ZNF69: variants seen among roughly 807,000 people sequenced by gnomAD.
The protein encoded by ZNF69 is ZNF3.
Under a neutral mutation model 50.9 loss-of-function variants are expected in ZNF69, and 47 were observed. The ratio of observed to expected loss-of-function variants is 0.92; its 90% CI spans 0.73 to 1.18. ZNF69 has a LOEUF of 1.18. Ranked by LOEUF, ZNF69 falls within the 50% of genes most tolerant of loss-of-function variation. The pLI is 0.00. For synonymous variants in ZNF69, 216 were observed against 223.1 expected, an observed-to-expected ratio of 0.97 and a Z score of 0.29; for missense variants, 717 against 675.1, an observed-to-expected ratio of 1.06 and a Z score of -0.69.
At chr19:11,979,064 G>A in the ZNF69 span, 1 of 1,614,122 alleles carries the variant, frequency 6.2e-7, no homozygotes, top group African/African-American at 1.3e-5. Flanking sequence ...TATCTTATAA[G>A]TTTTCAAACA....
chr19:11,934,993 C>G, the ZNF69 span, among the ~76,000 whole-genome samples: 2 of 146,348 alleles, frequency 1.4e-5, no homozygotes. Flanking sequence ...CTGGCTAACA[C>G]TGTGAAACCC....
the ZNF69 span, among the ~76,000 whole-genome samples, chr19:11,921,689 G>C: frequency 6.6e-6 from 1 of 151,942 alleles, no homozygotes. Context: ...TTTTAGTAGA[G>C]ACAGGGTTTC....
At chr19:11,932,123 CAA>C in the ZNF69 span, among the ~76,000 whole-genome samples, 9 of 126,230 alleles carry the variant, frequency 7.1e-5, no homozygotes, top group Admixed American at 1.6e-4. Context: ...AACTTTGTCT[CAA>C]AAAAAAAAAA....
chr19:11,932,337 C>G, the ZNF69 span, among the ~76,000 whole-genome samples: 2 of 147,656 alleles, frequency 1.4e-5, no homozygotes, highest in African/African-American at 2.7e-5. Flanking sequence ...GAACGAGACC[C>G]TGTTTCAAGA....
the ZNF69 span, chr19:11,926,498 C>T: frequency 2.0e-5 from 3 of 152,480 alleles, no homozygotes; most frequent in African/African-American, 7.2e-5. Context: ...AAGTGATTCT[C>T]CTGCCTCAGC....
intron 1 of ZNF69, among the ~76,000 whole-genome samples, chr19:11,895,389 A>C (rs1036274422): frequency 6.6e-6 from 1 of 152,252 alleles, no homozygotes; most frequent in South Asian, 2.1e-4. Context: ...TGTGGGCCAA[A>C]GCGTTTCTCA....
At chr19:11,929,439 G>A in the ZNF69 span, among the ~76,000 whole-genome samples, 63 of 148,338 alleles carry the variant, frequency 4.2e-4, 2 homozygotes, top group Non-Finnish European at 5.6e-4. Context: ...GTGGGATTAC[G>A]GGTGTGAACC....
At chr19:11,918,609 G>A (rs1816977908), downstream of ZNF69, among the ~76,000 whole-genome samples, 1 of 151,774 alleles carries the variant, frequency 6.6e-6, no homozygotes, top group Admixed American at 6.6e-5. Context: ...TCGGCTTTCT[G>A]CCCAGCTAAT....
the ZNF69 span, chr19:11,949,023 G>T: frequency 1.2e-6 from 2 of 1,606,420 alleles, no homozygotes; most frequent in African/African-American, 2.7e-5. Flanking sequence ...GGAAAAAACC[G>T]TATGAATGTA....
chr19:11,949,549 A>C, the ZNF69 span: 1 of 1,611,380 alleles, frequency 6.2e-7, no homozygotes, highest in African/African-American at 1.3e-5. Flanking sequence ...AAGACCTTAT[A>C]AATGTAGTAT....
downstream of ZNF69, among the ~76,000 whole-genome samples, chr19:11,916,592 G>A (rs1030277725): frequency 1.3e-5 from 2 of 152,194 alleles, no homozygotes; most frequent in Non-Finnish European, 2.9e-5. Flanking sequence ...TCCAGCCTGG[G>A]CTACAGAACA....
chr19:11,904,287 A>T (rs994841409), intron 3 of ZNF69, among the ~76,000 whole-genome samples: 6 of 152,212 alleles, frequency 3.9e-5, no homozygotes, highest in Admixed American at 3.3e-4. Flanking sequence ...CAGGAGGCTG[A>T]GGCAGGAGGA....
chr19:11,909,640 A>C (rs1300176284), downstream of ZNF69, among the ~76,000 whole-genome samples: 6 of 152,216 alleles, frequency 3.9e-5, no homozygotes, highest in Admixed American at 3.3e-4. Flanking sequence ...AAAAACTCTC[A>C]ATAAACTGGG....
downstream of ZNF69, among the ~76,000 whole-genome samples, chr19:11,918,968 T>C (rs1443426418): frequency 1.3e-5 from 2 of 151,782 alleles, no homozygotes; most frequent in African/African-American, 4.8e-5. Context: ...CGATCTCCGC[T>C]CACTGCAACC....
the ZNF69 span, among the ~76,000 whole-genome samples, chr19:11,951,026 C>T: frequency 7.9e-5 from 12 of 151,162 alleles, no homozygotes; most frequent in Middle Eastern, 3.5e-3. Flanking sequence ...TGGCGCGCAC[C>T]GGTAGTCCCA....
At chr19:11,943,390 C>T in the ZNF69 span, among the ~76,000 whole-genome samples, 5 of 152,252 alleles carry the variant, frequency 3.3e-5, no homozygotes, top group African/African-American at 9.6e-5. Context: ...GGTTTCTTAC[C>T]GGGCTAAAAC....
At chr19:11,972,194 A>G in the ZNF69 span, among the ~76,000 whole-genome samples, 1 of 152,168 alleles carries the variant, frequency 6.6e-6, no homozygotes, top group African/African-American at 2.4e-5. Flanking sequence ...CTGAGGTAGA[A>G]GGATCTGTTG....
chr19:11,901,545 C>T (rs919092211), intron 1 of ZNF69, among the ~76,000 whole-genome samples: 5 of 152,110 alleles, frequency 3.3e-5, no homozygotes, highest in Non-Finnish European at 5.9e-5. Context: ...AGTGCAGTGG[C>T]GTGATCTCGG....
chr19:11,893,617 G>A (rs279194), intron 1 of ZNF69, among the ~76,000 whole-genome samples: 53,598 of 151,934 alleles, frequency 0.35, 10,870 homozygotes, highest in African/African-American at 0.55. Flanking sequence ...TGTCTTCAGT[G>A]CACCCTCCTA....
Sources: allele counts gnomAD v4.1 joint callset (sites outside exome capture counted in the v4.1 genomes callset), GRCh38; gene constraint gnomAD v4.1.1; transcripts MANE v1.5; gene names NCBI Gene and HGNC (gene_info 2026-07-23, HGNC 2026-07-21).